The following CTNNA3 variants were observed in gnomAD, a reference collection of about 807,000 sequenced individuals.
CTNNA3 encodes the protein catenin alpha-3.
Under a neutral mutation model 95.7 loss-of-function variants are expected in CTNNA3, and 76 were observed. The ratio of observed to expected loss-of-function variants is 0.79; its 90% CI spans 0.66 to 0.96. The LOEUF (loss-of-function observed/expected upper bound fraction) is 0.96. CTNNA3 is among the 40% of genes least tolerant of loss of function. The probability of loss-of-function intolerance (pLI) is 0.00; values close to 1 mark genes in which losing one functional copy is unlikely to be tolerated. For missense variants in CTNNA3, 1,191 were observed against 1,089.8 expected (o/e 1.09, Z -1.31); for synonymous variants, 431 against 374.4 (o/e 1.15, Z -1.74).
At chr10:66,523,449 T>C (rs1299837809) in intron 10 of CTNNA3, among the ~76,000 whole-genome samples, 2 of 152,198 alleles carry the variant, frequency 1.3e-5, no homozygotes, top group African/African-American at 4.8e-5. Flanking sequence ...GAAGACACAA[T>C]TCAGAAGAAT....
intron 7 of CTNNA3, among the ~76,000 whole-genome samples, chr10:66,783,298 A>C (rs1237159679): frequency 6.6e-6 from 1 of 152,218 alleles, no homozygotes; most frequent in Non-Finnish European, 1.5e-5. Context: ...TTTGTCTTTT[A>C]AAGGTGTTTC....
chr10:67,382,842 G>GGGGT (rs1278053242), intron 5 of CTNNA3, among the ~76,000 whole-genome samples: 4 of 152,106 alleles, frequency 2.6e-5, no homozygotes, highest in Admixed American at 1.3e-4. Context: ...GAGAGAGGAG[G>GGGGT]GGGTGCCAGG....
chr10:67,736,357 G>T (rs181681130), intron 1 of CTNNA3, among the ~76,000 whole-genome samples: 32 of 151,930 alleles, frequency 2.1e-4, no homozygotes, highest in African/African-American at 7.2e-4. Flanking sequence ...TAGTGGTGAT[G>T]GTTACAAAAC....
chr10:67,698,256 A>AG (rs1564835261), upstream of CTNNA3, among the ~76,000 whole-genome samples: 4 of 151,200 alleles, frequency 2.6e-5, no homozygotes, highest in East Asian at 5.8e-4. Flanking sequence ...AAAAAGAGAG[A>AG]AAAAAGAGAG....
At chr10:66,801,042 T>C (rs1841409015) in intron 7 of CTNNA3, among the ~76,000 whole-genome samples, 1 of 151,340 alleles carries the variant, frequency 6.6e-6, no homozygotes, top group African/African-American at 2.4e-5. Context: ...AAAGAAGTCA[T>C]ACTAATCTTA....
chr10:67,310,536 T>C (rs1840748822), intron 5 of CTNNA3, among the ~76,000 whole-genome samples: 1 of 152,238 alleles, frequency 6.6e-6, no homozygotes, highest in South Asian at 2.1e-4. Context: ...TCCGTTCTCA[T>C]GCTGCTATAA....
chr10:66,731,880 C>T (rs1333796979), intron 9 of CTNNA3, among the ~76,000 whole-genome samples: 1 of 152,144 alleles, frequency 6.6e-6, no homozygotes, highest in Admixed American at 6.5e-5. Context: ...GAGCTCTGAG[C>T]TTTCCTGCCT....
chr10:66,081,753 A>G (rs2080770803), intron 14 of CTNNA3, among the ~76,000 whole-genome samples: 1 of 152,178 alleles, frequency 6.6e-6, no homozygotes, highest in South Asian at 2.1e-4. Flanking sequence ...ATTCTTTGGC[A>G]AGGTTCATTG....
intron 7 of CTNNA3, among the ~76,000 whole-genome samples, chr10:66,932,560 C>A (rs1351029217): frequency 6.6e-6 from 1 of 151,968 alleles, no homozygotes; most frequent in African/African-American, 2.4e-5. Context: ...GCTACCTACA[C>A]TAAAAATCAG....
chr10:65,986,240 C>T (rs868716222), intron 16 of CTNNA3, among the ~76,000 whole-genome samples: 18 of 150,246 alleles, frequency 1.2e-4, no homozygotes, highest in Admixed American at 2.0e-4. Context: ...TTTCCTGTAC[C>T]CCATACATAT....
chr10:67,530,429 G>A (rs1156280010), intron 4 of CTNNA3, among the ~76,000 whole-genome samples: 1 of 152,192 alleles, frequency 6.6e-6, no homozygotes, highest in Non-Finnish European at 1.5e-5. Flanking sequence ...TGGAGCAAAG[G>A]TGACTCTTGT....
intron 13 of CTNNA3, among the ~76,000 whole-genome samples, chr10:66,248,942 T>G (rs536026681): frequency 4.0e-4 from 61 of 152,208 alleles, no homozygotes; most frequent in African/African-American, 1.3e-3. Flanking sequence ...GGTGCTGGCA[T>G]TAAAACAGAC....
chr10:65,940,829 T>A (rs150304279), intron 17 of CTNNA3, among the ~76,000 whole-genome samples: 102 of 152,340 alleles, frequency 6.7e-4, no homozygotes, highest in African/African-American at 2.4e-3. Context: ...GATGGTGATA[T>A]GCTTTCTCAG....
intron 5 of CTNNA3, among the ~76,000 whole-genome samples, chr10:67,308,050 T>G (rs1331470288): frequency 6.6e-6 from 1 of 152,224 alleles, no homozygotes; most frequent in Non-Finnish European, 1.5e-5. Flanking sequence ...CTACCCTACA[T>G]GTGTTCTCAT....
intron 15 of CTNNA3, among the ~76,000 whole-genome samples, chr10:66,000,315 C>T (rs1040802820): frequency 6.6e-6 from 1 of 152,118 alleles, no homozygotes. Context: ...CTCCTTCCTC[C>T]TTTCTCTTTT....
At chr10:67,667,668 T>C (rs1006085680) in intron 1 of CTNNA3, among the ~76,000 whole-genome samples, 1 of 152,182 alleles carries the variant, frequency 6.6e-6, no homozygotes, top group African/African-American at 2.4e-5. Flanking sequence ...CATTGGGTTC[T>C]TCATTGAAAG....
chr10:67,582,891 T>C (rs1355511107), intron 3 of CTNNA3, among the ~76,000 whole-genome samples: 6 of 152,094 alleles, frequency 3.9e-5, no homozygotes, highest in Non-Finnish European at 5.9e-5. Flanking sequence ...CCCCTGCCTT[T>C]TTTTGTTTTC....
intron 9 of CTNNA3, among the ~76,000 whole-genome samples, chr10:66,650,108 A>C (rs1845843258): frequency 6.6e-6 from 1 of 152,228 alleles, no homozygotes; most frequent in South Asian, 2.1e-4. Flanking sequence ...AAATAGACCC[A>C]ACAGACATAT....
chr10:66,612,924 C>A (rs1170261890), intron 10 of CTNNA3, among the ~76,000 whole-genome samples: 1 of 151,976 alleles, frequency 6.6e-6, no homozygotes, highest in Non-Finnish European at 1.5e-5. Flanking sequence ...TCCCAAACAC[C>A]ACTTCCTTTC....
Sources: allele counts gnomAD v4.1 joint callset (sites outside exome capture counted in the v4.1 genomes callset), GRCh38; gene constraint gnomAD v4.1.1; transcripts MANE v1.5; gene names NCBI Gene and HGNC (gene_info 2026-07-23, HGNC 2026-07-21).